The following KCNQ3 variants were observed in gnomAD, a reference collection of about 807,000 sequenced individuals.
The protein encoded by KCNQ3 is potassium voltage-gated channel subfamily KQT member 3.
In KCNQ3, 30 loss-of-function variants were observed where a neutral mutation model predicts 92.5. The observed-to-expected ratio is 0.32, with a 90% CI of 0.24 to 0.44. The LOEUF is 0.44. Among genes scored for constraint, KCNQ3 ranks in the 20% least tolerant of loss-of-function variants. The pLI is 1.00. For synonymous variants in KCNQ3, 450 were observed against 468.8 expected (o/e 0.96, Z 0.52); for missense variants, 913 against 1,140.3 (o/e 0.80, Z 2.87).
chr8:132,279,572 C>T (rs1278630458), intron 1 of KCNQ3, among the ~76,000 whole-genome samples: 1 of 152,170 alleles, frequency 6.6e-6, no homozygotes, highest in Admixed American at 6.5e-5. Context: ...CTGGTTAAAG[C>T]ATACTGCATA....
rs1824763707 is a variant in KCNQ3, at chr8:132,129,097, G to C, written c.*165C>G. ...GGAAGCACTTTGTTGTGGTGACATG[G>C]GGAGGAAGAGGCTGTGGGAAGCCCC... On this transcript the variant is annotated 3_prime_UTR_variant, in exon 15 of 15. Transcript: ENST00000388996. This position sits in a 1 kb window ranked among gnomAD's most constrained non-coding sequence, Gnocchi z 5.9. 1.4e-6 allele frequency: 1 copy of C among 696,106 alleles called. No homozygotes were observed. Among genetic ancestry groups the C allele is most frequent in the Admixed American group, 2.5e-5 (1 of 39,508 alleles). The allele number at this position is 696,106 out of a possible 1,614,324, so 43.1% of individuals were successfully genotyped here. A position where few individuals can be genotyped will look rare whatever the true frequency, so the allele number is the denominator to read the frequency against.
rs958653555 is a variant in KCNQ3 at position 132,121,805 on chromosome 8, G to T, written c.*7457C>A. 1.3e-5 allele frequency: 2 copies of T among 152,218 alleles called. No individual in the cohort carries two copies. The highest frequency in any genetic ancestry group is 4.8e-5 in the African/African-American group (2 of 41,448). The allele number at this position is 152,218 out of a possible 1,614,324, so 9.4% of individuals were successfully genotyped here. A position where few individuals can be genotyped will look rare whatever the true frequency, so the allele number is the denominator to read the frequency against. On this transcript the variant is annotated 3_prime_UTR_variant, in exon 15 of 15. Transcript: ENST00000388996. Reference sequence around the variant, plus strand: ...TTAAAAACAATGACAGGAGCTCCTTGGGGGCAGAGAACAAGGGGCACTTGT... The same window carrying T: ...TTAAAAACAATGACAGGAGCTCCTTTGGGGCAGAGAACAAGGGGCACTTGT...
chr8:132,217,212 G>A (rs1814059873), intron 1 of KCNQ3, among the ~76,000 whole-genome samples: 1 of 152,204 alleles, frequency 6.6e-6, no homozygotes, highest in African/African-American at 2.4e-5. Flanking sequence ...CATGACAGGT[G>A]ATTGTTAAAC....
chr8:132,203,845 T>C (rs1336766313), intron 1 of KCNQ3, among the ~76,000 whole-genome samples: 1 of 152,244 alleles, frequency 6.6e-6, no homozygotes, highest in Non-Finnish European at 1.5e-5. Context: ...TTAATGATTG[T>C]TATTTTTATT....
intron 1 of KCNQ3, among the ~76,000 whole-genome samples, chr8:132,314,976 T>G (rs1445789680): frequency 9.2e-5 from 14 of 152,184 alleles, no homozygotes; most frequent in Admixed American, 9.2e-4. Flanking sequence ...TGACAGGGAA[T>G]GTCAAGAAAG....
At chr8:132,365,950 G>A (rs911743816) in intron 1 of KCNQ3, among the ~76,000 whole-genome samples, 2 of 152,124 alleles carry the variant, frequency 1.3e-5, no homozygotes, top group Non-Finnish European at 2.9e-5. Context: ...AGGATGGTTT[G>A]AGCCCATGAG....
chr8:132,164,165 T>A (rs1308662274), intron 8 of KCNQ3, among the ~76,000 whole-genome samples: 1 of 151,962 alleles, frequency 6.6e-6, no homozygotes, highest in Non-Finnish European at 1.5e-5. Flanking sequence ...GGAACTCCCT[T>A]CCTCTTTTCC....
chr8:132,337,402 C>T (rs1484552425), intron 1 of KCNQ3, among the ~76,000 whole-genome samples: 1 of 152,012 alleles, frequency 6.6e-6, no homozygotes, highest in Admixed American at 6.6e-5. Flanking sequence ...GGGGCTGAGG[C>T]AGGAGAATTG....
intron 1 of KCNQ3, among the ~76,000 whole-genome samples, chr8:132,242,967 C>T (rs16904634): frequency 0.032 from 4,911 of 152,260 alleles, 297 homozygotes; most frequent in African/African-American, 0.11. Flanking sequence ...TGTTCACTTC[C>T]GTTCTACCAT....
At chr8:132,190,665 C>T (rs1317105366) in intron 1 of KCNQ3, among the ~76,000 whole-genome samples, 4 of 152,204 alleles carry the variant, frequency 2.6e-5, no homozygotes, top group Admixed American at 2.6e-4. Context: ...CAGCCAACTC[C>T]ATGACTGCTG....
intron 1 of KCNQ3, among the ~76,000 whole-genome samples, chr8:132,451,137 T>C (rs62520397): frequency 0.049 from 7,534 of 152,206 alleles, 280 homozygotes; most frequent in Non-Finnish European, 0.076. Flanking sequence ...ATCTTGTGCT[T>C]TCTCATGATA....
chr8:132,284,574 A>G (rs1027133523), intron 1 of KCNQ3, among the ~76,000 whole-genome samples: 3 of 152,114 alleles, frequency 2.0e-5, no homozygotes, highest in African/African-American at 7.2e-5. Context: ...TGCTCGGGTT[A>G]CCAGCCCAAA....
At chr8:132,411,803 G>C (rs569414006) in intron 1 of KCNQ3, among the ~76,000 whole-genome samples, 1 of 152,266 alleles carries the variant, frequency 6.6e-6, no homozygotes, top group South Asian at 2.1e-4. Context: ...TAAGCACAAG[G>C]ACAAGCTGTG....
chr8:132,190,597 G>C (rs10956647), intron 1 of KCNQ3, among the ~76,000 whole-genome samples: 1 of 151,952 alleles, frequency 6.6e-6, no homozygotes, highest in Non-Finnish European at 1.5e-5. Context: ...AACTGCAAGG[G>C]TCAACAATCA....
At chr8:132,317,468 G>A (rs1447008238) in intron 1 of KCNQ3, among the ~76,000 whole-genome samples, 1 of 152,202 alleles carries the variant, frequency 6.6e-6, no homozygotes, top group Non-Finnish European at 1.5e-5. Context: ...GATTCCAAAT[G>A]TTCTAGTGGG....
chr8:132,278,679 C>T (rs1227723048), intron 1 of KCNQ3, among the ~76,000 whole-genome samples: 1 of 152,192 alleles, frequency 6.6e-6, no homozygotes, highest in East Asian at 1.9e-4. Flanking sequence ...GGAGGTGTGG[C>T]TAGACATGCA....
chr8:132,213,516 C>T (rs192652029), intron 1 of KCNQ3, among the ~76,000 whole-genome samples: 1 of 152,166 alleles, frequency 6.6e-6, no homozygotes, highest in Non-Finnish European at 1.5e-5. Context: ...TGACAACTTC[C>T]CAGGGTCAGG....
intron 1 of KCNQ3, among the ~76,000 whole-genome samples, chr8:132,397,516 T>C (rs1183536692): frequency 6.6e-6 from 1 of 152,160 alleles, no homozygotes; most frequent in Non-Finnish European, 1.5e-5. Context: ...AAATCTTATA[T>C]AGGTAAGTGC....
At chr8:132,426,834 G>A (rs1821125858) in intron 1 of KCNQ3, among the ~76,000 whole-genome samples, 1 of 152,166 alleles carries the variant, frequency 6.6e-6, no homozygotes, top group Admixed American at 6.5e-5. Context: ...CCTTGAGAGT[G>A]GATGGTTGAT....
Sources: gnomAD v4.1 joint callset for allele counts (sites outside exome capture counted in the v4.1 genomes callset) on GRCh38, gnomAD v4.1.1 for gene constraint, Gnocchi (gnomAD v3.1) non-coding constraint, MANE v1.5 for transcripts, NCBI Gene and HGNC (gene_info 2026-07-23, HGNC 2026-07-21) for gene names.